MAP7: variants seen among roughly 807,000 people sequenced by gnomAD.
MAP7 encodes the protein microtubule associated protein 7.
In MAP7, 52 loss-of-function variants were observed where a neutral mutation model predicts 94.8. That is an observed-to-expected ratio of 0.55 (90% confidence interval 0.44 to 0.69). The LOEUF (loss-of-function observed/expected upper bound fraction) is 0.69. Ranked by LOEUF, MAP7 falls within the 30% of genes least tolerant of loss-of-function variation. The pLI is 0.00. For synonymous variants in MAP7, 350 were observed against 357.0 expected, an observed-to-expected ratio of 0.98 and a Z score of 0.22; for missense variants, 940 against 964.6, an observed-to-expected ratio of 0.97 and a Z score of 0.34.
chr6:136,448,098 A>T (rs1452705339), intron 1 of MAP7, among the ~76,000 whole-genome samples: 2 of 152,134 alleles, frequency 1.3e-5, no homozygotes, highest in African/African-American at 4.8e-5. Flanking sequence ...AGGCTGAGGC[A>T]GGAAAATCAC....
rs141482278 is a variant in MAP7 at position 136,353,381 on chromosome 6, T to C, written c.2015+3311A>G. ...AGCCAAGTATCATCATGGCACTCTG[T>C]ATTAAAAAGAGGTTAGGGGTTTTAA... is the stretch of plus-strand genomic sequence containing the variant. On this transcript the variant is annotated intron_variant, in intron 16 of 17. Transcript: ENST00000354570. Among the ~76,000 whole-genome samples, 152 of 152,286 alleles carry C rather than the reference T, an allele frequency of 1.0e-3. 1 individual carries two copies. The highest frequency in any genetic ancestry group is 3.5e-3 in the African/African-American group (146 of 41,552).
chr6:136,363,104 G>A (rs545691110), intron 10 of MAP7, among the ~76,000 whole-genome samples: 45 of 152,306 alleles, frequency 3.0e-4, no homozygotes, highest in African/African-American at 6.5e-4. Context: ...CATTACTAGA[G>A]CAGCATCCTC....
chr6:136,426,260 G>A (rs1793106317), intron 1 of MAP7, among the ~76,000 whole-genome samples: 1 of 152,166 alleles, frequency 6.6e-6, no homozygotes, highest in African/African-American at 2.4e-5. Context: ...ACAATCAACA[G>A]AACCACCAGC....
intron 17 of MAP7, 35 bp from the exon 18 acceptor site, chr6:136,344,273 A>G (rs2128506537): frequency 4.5e-6 from 5 of 1,122,438 alleles, no homozygotes; most frequent in Non-Finnish European, 6.1e-6. Context: ...CAAGATTAAT[A>G]TGACATTTAT....
intron 1 of MAP7, among the ~76,000 whole-genome samples, chr6:136,456,185 T>C (rs1380200141): frequency 2.0e-5 from 3 of 152,196 alleles, no homozygotes; most frequent in Non-Finnish European, 4.4e-5. Context: ...TTTTCTCCTG[T>C]TAATCTGTCT....
At chr6:136,549,873 C>A (rs904076067) in intron 1 of MAP7, among the ~76,000 whole-genome samples, 4 of 152,210 alleles carry the variant, frequency 2.6e-5, no homozygotes, top group African/African-American at 9.6e-5. Context: ...GCTGAGGAGC[C>A]CCCGGCACCC....
rs531391562 is a variant in MAP7 at position 136,417,896 on chromosome 6, G to T, written c.166+3805C>A. On this transcript the variant is annotated intron_variant, in intron 2 of 17. Coordinates refer to ENST00000354570, the MANE Select transcript of MAP7 (RefSeq NM_003980.6). ...GTGGCTCTTTTAAAGACTTGTGTTG[G>T]GGGGCAGCAAAGGGATAGGAATTCA... 4.6e-5 allele frequency among the ~76,000 whole-genome samples: 7 copies of T among 152,308 alleles called. No homozygotes were observed. The South Asian group carries it at 1.4e-3, about 32-fold the overall frequency.
intron 1 of MAP7, among the ~76,000 whole-genome samples, chr6:136,520,199 C>CAAA (rs61528866): frequency 3.0e-5 from 2 of 65,848 alleles, no homozygotes; most frequent in African/African-American, 1.0e-4. Flanking sequence ...GAGTTTGCCT[C>CAAA]AAAAAAAAAA....
At chr6:136,490,013 A>C (rs1308121573) in intron 1 of MAP7, among the ~76,000 whole-genome samples, 1 of 152,212 alleles carries the variant, frequency 6.6e-6, no homozygotes, top group Non-Finnish European at 1.5e-5. Context: ...AGCTGGCACA[A>C]GATAGCCTGT....
intron 1 of MAP7, among the ~76,000 whole-genome samples, chr6:136,479,890 T>C (rs968466750): frequency 6.6e-6 from 1 of 152,106 alleles, no homozygotes. Flanking sequence ...TTCATAAATA[T>C]GAAAAATCAA....
At chr6:136,452,696 G>A (rs894412738) in intron 1 of MAP7, among the ~76,000 whole-genome samples, 1 of 152,032 alleles carries the variant, frequency 6.6e-6, no homozygotes, top group Non-Finnish European at 1.5e-5. Flanking sequence ...ATGATTACAG[G>A]TGCACACCAC....
intron 3 of MAP7, among the ~76,000 whole-genome samples, chr6:136,403,716 A>T (rs1784808964): frequency 6.6e-6 from 1 of 152,340 alleles, no homozygotes; most frequent in South Asian, 2.1e-4. Context: ...GGAGAAAAAA[A>T]TAATGGCTGC....
rs139047593 is a variant in MAP7, at chr6:136,442,149, T to C, written c.68-20350A>G. ...TGGGCATGGTGACTCATGCCTGTAA[T>C]TGCAGCACTTTGGGAGGACGAGGCA... On this transcript the variant is annotated intron_variant, in intron 1 of 17. Transcript: ENST00000354570. Among the ~76,000 whole-genome samples the C allele has an allele frequency of 1.1e-4, 17 of 152,288 alleles. No individual in the cohort carries two copies. In the East Asian group the frequency reaches 3.3e-3, roughly 29 times the overall value.
intron 10 of MAP7, chr6:136,365,197 T>A (rs1793948983): frequency 6.6e-6 from 1 of 152,632 alleles, no homozygotes; most frequent in Non-Finnish European, 1.5e-5. Flanking sequence ...ATGACCCTCC[T>A]TTCCTTTCTT....
intron 10 of MAP7, chr6:136,364,332 C>T (rs112242773): frequency 0.01 from 4,844 of 479,898 alleles, 102 homozygotes; most frequent in Admixed American, 0.046. Flanking sequence ...TGGAGGAGCT[C>T]GTGGACCTGC....
intron 1 of MAP7, among the ~76,000 whole-genome samples, chr6:136,450,154 A>G (rs747376329): frequency 4.6e-5 from 7 of 152,346 alleles, no homozygotes; most frequent in Non-Finnish European, 7.4e-5. Context: ...ACTGCACGCC[A>G]GCCTGGGTGA....
Position 136,497,466 on chromosome 6 carries a change from T to C in MAP7, c.67+52876A>G, listed in dbSNP as rs554147927. 4.6e-5 allele frequency among the ~76,000 whole-genome samples: 7 copies of C among 151,706 alleles called. No homozygotes were observed. In the South Asian group the frequency reaches 1.5e-3, roughly 32 times the overall value. ...CCTGCCCCATTTTGTCTTTGTTATC[T>C]TATGTAAAATGCATATTCCCTGCAT... On this transcript the variant is annotated intron_variant, in intron 1 of 17. Transcript: ENST00000354570.
At chr6:136,431,992 C>T (rs781444613) in intron 1 of MAP7, among the ~76,000 whole-genome samples, 2 of 152,016 alleles carry the variant, frequency 1.3e-5, no homozygotes, top group South Asian at 2.1e-4. Flanking sequence ...CTTTGAATGT[C>T]GATGTGATGC....
At chr6:136,387,726 A>G (rs532693827) in intron 5 of MAP7, among the ~76,000 whole-genome samples, 16 of 152,278 alleles carry the variant, frequency 1.1e-4, no homozygotes, top group Admixed American at 3.9e-4. Flanking sequence ...AATGTAAAAC[A>G]ATGATTTTTC....
Sources: gnomAD v4.1 joint callset for allele counts (sites outside exome capture counted in the v4.1 genomes callset) on GRCh38, gnomAD v4.1.1 for gene constraint, MANE v1.5 for transcripts, NCBI Gene and HGNC (gene_info 2026-07-23, HGNC 2026-07-21) for gene names.